Variants in COL27A1 observed in about 807,000 individuals in gnomAD.
COL27A1 encodes collagen alpha-1(XXVII) chain.
A neutral mutation model predicts 251.3 loss-of-function variants in COL27A1; 106 were observed. The ratio of observed to expected loss-of-function variants is 0.42; its 90% CI spans 0.36 to 0.50. The LOEUF is 0.50. COL27A1 is among the 20% of genes least tolerant of loss of function. The probability of loss-of-function intolerance (pLI) is 0.00; values close to 1 mark genes in which losing one functional copy is unlikely to be tolerated. For synonymous variants in COL27A1, 1,000 were observed against 986.3 expected (o/e 1.01, Z -0.26); for missense variants, 2,325 against 2,522.8 (o/e 0.92, Z 1.68).
At chr9:114,285,617 G>A (rs1321357899) in intron 41 of COL27A1, among the ~76,000 whole-genome samples, 1 of 152,132 alleles carries the variant, frequency 6.6e-6, no homozygotes, top group Admixed American at 6.5e-5. Flanking sequence ...ACGCTGGCCC[G>A]GCGTGCTGCC....
At chr9:114,307,566 C>A in intron 58 of COL27A1, 103 bp from the exon 59 acceptor site, 1 of 806,226 alleles carries the variant, frequency 1.2e-6, no homozygotes, top group Non-Finnish European at 2.2e-6. Context: ...TTCATGCTCA[C>A]CTGGGGCTCG....
At chr9:114,171,820 G>A (rs577748068) in intron 3 of COL27A1, among the ~76,000 whole-genome samples, 6 of 152,258 alleles carry the variant, frequency 3.9e-5, no homozygotes, top group Admixed American at 2.6e-4. Flanking sequence ...TTCCACAGGC[G>A]CGGTGTCTCC....
At position 114,253,097 on chromosome 9, in the gene COL27A1, G is replaced by A. The variant is rs189087850; in HGVS notation, c.3141+165G>A. Among the ~76,000 whole-genome samples, 335 of 152,212 alleles carry A rather than the reference G, an allele frequency of 2.2e-3. 3 individuals carry two copies. Among genetic ancestry groups the A allele is most frequent in the African/African-American group, 7.7e-3 (318 of 41,516 alleles). On this transcript the variant is annotated intron_variant, in intron 27 of 60. Coordinates refer to ENST00000356083, the MANE Select transcript of COL27A1 (RefSeq NM_032888.4). ...AAACATACCAAAACCTTGTCTCTAC[G>A]GAAAATACAAAAATTCGCTGGGCGT...
intron 21 of COL27A1, among the ~76,000 whole-genome samples, chr9:114,241,341 C>T (rs915382482): frequency 3.9e-5 from 6 of 152,266 alleles, no homozygotes; most frequent in African/African-American, 1.4e-4. Context: ...GATCCCTTCT[C>T]GGGCTGGCTC....
intron 12 of COL27A1, among the ~76,000 whole-genome samples, chr9:114,217,061 T>C (rs1337470496): frequency 6.6e-6 from 1 of 152,196 alleles, no homozygotes; most frequent in Admixed American, 6.5e-5. Flanking sequence ...AGTTTCCTCA[T>C]CTCAAAAATG....
chr9:114,207,035 C>T (rs1030732010), intron 10 of COL27A1, among the ~76,000 whole-genome samples: 8 of 152,096 alleles, frequency 5.3e-5, no homozygotes, highest in African/African-American at 1.9e-4. Context: ...GGGTTCATGG[C>T]GGGGCCTGGA....
intron 27 of COL27A1, among the ~76,000 whole-genome samples, chr9:114,255,731 C>T (rs891250756): frequency 1.3e-5 from 2 of 152,162 alleles, no homozygotes. Flanking sequence ...CCCACTGCTA[C>T]GGTACAGGGC....
intron 8 of COL27A1, among the ~76,000 whole-genome samples, chr9:114,205,421 G>T (rs1415260627): frequency 6.6e-6 from 1 of 152,242 alleles, no homozygotes; most frequent in Non-Finnish European, 1.5e-5. Context: ...TGTTCCGGGC[G>T]ATGTTAGGGG....
chr9:114,290,937 A>C lies in COL27A1; in HGVS notation c.4476+20A>C, dbSNP rs530838223. 177 of 1,515,168 alleles carry C rather than the reference A, an allele frequency of 1.2e-4. No homozygotes were observed. The highest frequency in any genetic ancestry group is 2.4e-4 in the Admixed American group (12 of 50,334). 93.9% of individuals were successfully genotyped at this position (1,515,168 alleles called of 1,614,324 possible). ...TTCAAGGTCAGATACCTCTTAATAC[A>C]CTTACCCACCCTCTGCCCTTTCTGC... On this transcript the variant is annotated intron_variant, in intron 48 of 60. Transcript: ENST00000356083. The surrounding 1 kb of genome is among the most constrained non-coding windows in gnomAD (Gnocchi z 4.6).
chr9:114,290,901 G>A lies in COL27A1; in HGVS notation c.4460G>A (p.Gly1487Glu). 1 of 1,551,326 alleles carries A rather than the reference G, an allele frequency of 6.4e-7. No homozygotes were observed. Among genetic ancestry groups the A allele is most frequent in the Non-Finnish European group, 8.7e-7 (1 of 1,146,818 alleles). ...GTGGCCGGCTTACCTGGAGCACAGG[G>A]ACCCCCAGGATTCAAGGTCAGATAC... ...PGVAGLPGAQ[G>E]PPGFKGESGL... The change falls in exon 48 of 61, where the codon GGA becomes GAA. Residue 1487 changes from glycine to glutamate, a missense_variant. Transcript: ENST00000356083. This position sits in a 1 kb window ranked among gnomAD's most constrained non-coding sequence, Gnocchi z 4.6.
chr9:114,156,001 G>T lies in COL27A1; in HGVS notation c.51G>T (p.Ala17=). ...RGARGTAAAA[A]ARGGGFLFSW... Reference sequence around the variant, plus strand: ...CCCGAGGCACAGCGGCGGCGGCGGCGGCGCGCGGGGGGTGAGTACGAACTC... The same window carrying T: ...CCCGAGGCACAGCGGCGGCGGCGGCTGCGCGCGGGGGGTGAGTACGAACTC... Residue 17 remains alanine (A), a synonymous_variant, in exon 1 of 61, where the codon GCG becomes GCT. Coordinates refer to ENST00000356083, the MANE Select transcript of COL27A1 (RefSeq NM_032888.4). 1 of 1,296,286 alleles carries T rather than the reference G, an allele frequency of 7.7e-7. No homozygotes were observed. The allele number at this position is 1,296,286 out of a possible 1,614,324, so 80.3% of individuals were successfully genotyped here.
At chr9:114,276,728 TAGTC>T (rs374814487) in intron 37 of COL27A1, among the ~76,000 whole-genome samples, 1 of 152,354 alleles carries the variant, frequency 6.6e-6, no homozygotes, top group East Asian at 1.9e-4. Context: ...GAAATGTACT[TAGTC>T]AGTCCACAGA....
At chr9:114,198,853 G>C (rs1829358153) in intron 7 of COL27A1, among the ~76,000 whole-genome samples, 1 of 152,180 alleles carries the variant, frequency 6.6e-6, no homozygotes, top group Non-Finnish European at 1.5e-5. Context: ...TGTGAGCTTG[G>C]GCAAGTTGCC....
intron 33 of COL27A1, 121 bp downstream of exon 33, chr9:114,266,739 T>C (rs1260537011): frequency 4.5e-6 from 4 of 881,656 alleles, no homozygotes; most frequent in Admixed American, 2.0e-5. Flanking sequence ...GAGATGGTCA[T>C]GTACCGTGTA....
intron 5 of COL27A1, among the ~76,000 whole-genome samples, chr9:114,183,549 A>G (rs930927419): frequency 6.6e-6 from 1 of 152,170 alleles, no homozygotes; most frequent in Admixed American, 6.5e-5. Context: ...AGTCCGGGCC[A>G]ACTTAGGGGT....
chr9:114,221,791 G>A (rs912548190), intron 13 of COL27A1, among the ~76,000 whole-genome samples: 3 of 152,220 alleles, frequency 2.0e-5, no homozygotes, highest in Admixed American at 6.5e-5. Context: ...GAAGGAGGCT[G>A]GCTTAGAGGC....
intron 37 of COL27A1, among the ~76,000 whole-genome samples, chr9:114,278,598 A>AGTG (rs142136748): frequency 0.25 from 33,041 of 133,720 alleles, 4,560 homozygotes; most frequent in South Asian, 0.44. Context: ...TGGGGGTGGG[A>AGTG]GTGGTGATGA....
intron 27 of COL27A1, among the ~76,000 whole-genome samples, chr9:114,258,339 C>T (rs552198729): frequency 1.3e-5 from 2 of 152,176 alleles, no homozygotes; most frequent in African/African-American, 2.4e-5. Flanking sequence ...TGGCTGTGTT[C>T]GAGGCTGTGG....
At chr9:114,270,932 A>G (rs1247857068) in intron 36 of COL27A1, 151 bp downstream of exon 36, 4 of 655,274 alleles carry the variant, frequency 6.1e-6, no homozygotes, top group Non-Finnish European at 1.1e-5. Context: ...GGGAAGGGTC[A>G]GCAGTGTCCA....
Sources: allele counts gnomAD v4.1 joint callset (sites outside exome capture counted in the v4.1 genomes callset), GRCh38; gene constraint gnomAD v4.1.1; non-coding constraint Gnocchi (gnomAD v3.1); transcripts MANE v1.5; gene names NCBI Gene and HGNC (gene_info 2026-07-23, HGNC 2026-07-21).